ANPEP: variants seen among roughly 807,000 people sequenced by gnomAD.
ANPEP encodes alanyl aminopeptidase, membrane, also known as aminopeptidase N.
A neutral mutation model predicts 114.6 loss-of-function variants in ANPEP; 70 were observed. The ratio of observed to expected loss-of-function variants is 0.61; its 90% confidence interval spans 0.50 to 0.75. The LOEUF is 0.75. Among genes scored for constraint, ANPEP ranks in the 30% least tolerant of loss-of-function variants. The pLI is 0.00. For synonymous variants in ANPEP, 548 were observed against 522.3 expected, an observed-to-expected ratio of 1.05 and a Z score of -0.67; for missense variants, 1,184 against 1,259.5, an observed-to-expected ratio of 0.94 and a Z score of 0.91.
chr15:89,793,195 C>A, intron 15 of ANPEP, 69 bp from the exon 16 acceptor site: 1 of 1,422,602 alleles, frequency 7.0e-7, no homozygotes, highest in Non-Finnish European at 9.8e-7. Flanking sequence ...CACAGAGCCT[C>A]TGATGTTGGG....
intron 15 of ANPEP, among the ~76,000 whole-genome samples, chr15:89,795,704 T>C (rs556307099): frequency 1.3e-5 from 2 of 151,976 alleles, no homozygotes; most frequent in South Asian, 4.2e-4. Context: ...AGTGTGAGAG[T>C]GGAATAAAGA....
At chr15:89,812,421 G>A (rs568478309) in intron 1 of ANPEP, among the ~76,000 whole-genome samples, 110 of 152,340 alleles carry the variant, frequency 7.2e-4, no homozygotes, top group Middle Eastern at 3.4e-3. Context: ...TGAGGCCTCC[G>A]CCCATAGCTG....
intron 15 of ANPEP, among the ~76,000 whole-genome samples, chr15:89,795,081 C>T (rs945125450): frequency 9.6e-5 from 11 of 114,696 alleles, no homozygotes; most frequent in Admixed American, 2.8e-4. Flanking sequence ...CAAGAGGAAA[C>T]GAGTCAATGG....
Position 89,785,258 on chromosome 15 carries a change from G to A in ANPEP, c.*91C>T, listed in dbSNP as rs567093628. 79 of 1,520,872 alleles carry A rather than the reference G, an allele frequency of 5.2e-5. No individual in the cohort carries two copies. The highest frequency in any genetic ancestry group is 3.4e-4 in the African/African-American group (25 of 72,552). The allele number at this position is 1,520,872 out of a possible 1,614,324, so 94.2% of individuals were successfully genotyped here. A position where few individuals can be genotyped will look rare whatever the true frequency, so the allele number is the denominator to read the frequency against. On this transcript the variant is annotated 3_prime_UTR_variant, in exon 21 of 21. Transcript: ENST00000300060. ...CTTGAGGGGAGGACACTGGTGCCTC[G>A]GGCTCCAGGAATGGAGGCCCTGCAC... is the stretch of plus-strand genomic sequence containing the variant.
rs952000568 is a variant in ANPEP, at chr15:89,803,831, C to T, written c.1294-41G>A. The stretch of plus-strand genomic sequence containing the variant: ...GGCCATCAGGAGACTGGCCTGGTAG[C>T]GGTGGCCCAGGTCTCCCTCCATGCC... On this transcript the variant is annotated intron_variant, in intron 7 of 20. Coordinates refer to ENST00000300060, the MANE Select transcript of ANPEP (RefSeq NM_001150.3). The surrounding 1 kb of genome is among the most constrained non-coding windows in gnomAD (Gnocchi z 4.2). The T allele has an allele frequency of 6.8e-6, 11 of 1,612,010 alleles. No homozygotes were observed. Among genetic ancestry groups the T allele is most frequent in the African/African-American group, 4.0e-5 (3 of 74,876 alleles).
chr15:89,806,536 G>A lies in ANPEP; in HGVS notation c.48C>T (p.Ile16=), dbSNP rs146339673. The A allele has an allele frequency of 6.2e-7, 1 of 1,612,292 alleles. No homozygotes were observed. Among genetic ancestry groups the A allele is most frequent in the Non-Finnish European group, 8.5e-7 (1 of 1,178,608 alleles). The stretch of plus-strand genomic sequence containing the variant: ...TGCACACGGCTGCCACGCCCAGGAG[G>A]ATCCCCAGGATGCCCAGGGACTTGG... The part of the protein sequence containing the change: ...YISKSLGILG[I]LLGVAAVCTI... Residue 16 remains isoleucine (I), a synonymous_variant, in exon 2 of 21, where the codon ATC becomes ATT. Coordinates refer to ENST00000300060, the MANE Select transcript of ANPEP (RefSeq NM_001150.3). This position sits in a 1 kb window ranked among gnomAD's most constrained non-coding sequence, Gnocchi z 5.7.
intron 1 of ANPEP, among the ~76,000 whole-genome samples, chr15:89,809,851 C>T (rs1894787153): frequency 6.6e-6 from 1 of 152,228 alleles, no homozygotes; most frequent in Non-Finnish European, 1.5e-5. Flanking sequence ...CTTTCTACTG[C>T]CCACTGTGGC....
At chr15:89,794,950 C>A (rs975107484) in intron 15 of ANPEP, among the ~76,000 whole-genome samples, 1 of 152,088 alleles carries the variant, frequency 6.6e-6, no homozygotes, top group Admixed American at 6.5e-5. Flanking sequence ...AATGAGATCC[C>A]CCGGACAACA....
At chr15:89,793,510 G>A (rs1403129336) in intron 15 of ANPEP, among the ~76,000 whole-genome samples, 1 of 152,046 alleles carries the variant, frequency 6.6e-6, no homozygotes, top group East Asian at 1.9e-4. Context: ...AGATCAGCCT[G>A]GGCAACATGG....
rs774552143 is a variant in ANPEP, at chr15:89,803,908, G to A, written c.1274C>T (p.Ala425Val). ...GCTTACCAAGTTCCAGGTGGGCTCC[G>A]CATAGTCAGCACCCAGGTACTCCAC... ...SYVEYLGADY[A>V]EPTWNLKDLM... The change falls in exon 7 of 21, where the codon GCG (alanine) becomes GTG (valine). Residue 425 changes from alanine (A) to valine (V), a missense_variant. By Grantham distance (64) the Ala-to-Val change is moderately conservative. Transcript: ENST00000300060. The surrounding 1 kb of genome is among the most constrained non-coding windows in gnomAD (Gnocchi z 4.2). The A allele has an allele frequency of 3.1e-6, 5 of 1,614,154 alleles. No homozygotes were observed. The highest frequency in any genetic ancestry group is 1.1e-5 in the South Asian group (1 of 91,078).
At chr15:89,805,910 A>G in intron 2 of ANPEP, 60 bp downstream of exon 2, 1 of 1,538,326 alleles carries the variant, frequency 6.5e-7, no homozygotes, top group Non-Finnish European at 8.8e-7. Context: ...TGGCCCTCAG[A>G]ATCCAGCCTT....
intron 19 of ANPEP, 111 bp downstream of exon 19, chr15:89,790,841 GA>G: frequency 7.2e-7 from 1 of 1,383,394 alleles, no homozygotes; most frequent in Non-Finnish European, 9.8e-7. Flanking sequence ...AGGCTTGGCT[GA>G]TTTTTGTCCA....
intron 1 of ANPEP, among the ~76,000 whole-genome samples, chr15:89,814,195 G>A (rs1378520842): frequency 6.6e-6 from 1 of 152,242 alleles, no homozygotes; most frequent in Non-Finnish European, 1.5e-5. Context: ...GGTTGTAGGA[G>A]CGAGGGAGAA....
At position 89,797,716 on chromosome 15, in the gene ANPEP, A is replaced by T; in HGVS notation, c.2016T>A (p.His672Gln). ...INDAFNLASA[H>Q]KVPVTLALNN... Reference sequence around the variant, plus strand: ...TCAGCGCCAGAGTGACAGGGACCTTATGGGCACTGGGAATAAACAGAGGGG... The same window carrying T: ...TCAGCGCCAGAGTGACAGGGACCTTTTGGGCACTGGGAATAAACAGAGGGG... The change falls in exon 15 of 21, where the codon CAT (histidine) becomes CAA (glutamine). Residue 672 changes from histidine to glutamine, a missense_variant. Physicochemically the swap from His to Gln is conservative, Grantham distance 24. Coordinates refer to ENST00000300060, the MANE Select transcript of ANPEP (RefSeq NM_001150.3). The T allele has an allele frequency of 6.2e-7, 1 of 1,614,020 alleles. No individual in the cohort carries two copies. Among genetic ancestry groups the T allele is most frequent in the South Asian group, 1.1e-5 (1 of 91,076 alleles).
rs555157285 is a variant in ANPEP at position 89,785,249 on chromosome 15, T to C, written c.*100A>G. On this transcript the variant is annotated 3_prime_UTR_variant, in exon 21 of 21. Transcript: ENST00000300060. Reference sequence around the variant, plus strand: ...GACTTTGTCCTTGAGGGGAGGACACTGGTGCCTCGGGCTCCAGGAATGGAG... The same window carrying C: ...GACTTTGTCCTTGAGGGGAGGACACCGGTGCCTCGGGCTCCAGGAATGGAG... 108 of 1,482,622 alleles carry C rather than the reference T, an allele frequency of 7.3e-5. No homozygotes were observed. The African/African-American group carries it at 1.4e-3, about 19-fold the overall frequency. The allele number at this position is 1,482,622 out of a possible 1,614,324, so 91.8% of individuals were successfully genotyped here.
At chr15:89,785,597 A>G in intron 20 of ANPEP, 96 bp from the exon 21 acceptor site, 1 of 1,544,716 alleles carries the variant, frequency 6.5e-7, no homozygotes, top group Non-Finnish European at 8.8e-7. Flanking sequence ...CCCACTTTAG[A>G]GTCCCCATGG....
intron 15 of ANPEP, among the ~76,000 whole-genome samples, chr15:89,796,022 C>T (rs1968720256): frequency 6.6e-6 from 1 of 152,206 alleles, no homozygotes; most frequent in Non-Finnish European, 1.5e-5. Flanking sequence ...CCAGACCATC[C>T]TGGCCAATAC....
intron 2 of ANPEP, 62 bp from the exon 3 acceptor site, chr15:89,805,525 A>G: frequency 6.3e-7 from 1 of 1,595,616 alleles, no homozygotes; most frequent in Non-Finnish European, 8.5e-7. Context: ...GGCTCTGAGG[A>G]TGCTACCAGG....
chr15:89,806,907 G>C lies in ANPEP; in HGVS notation c.-223-101C>G. On this transcript the variant is annotated intron_variant, in intron 1 of 20. Transcript: ENST00000300060. This position sits in a 1 kb window ranked among gnomAD's most constrained non-coding sequence, Gnocchi z 5.7. ...TCCGGCTGTAGGCCCAGTGGGCAAA[G>C]CAAGCGGCCAGGTGGCATTGCATTG... is the stretch of plus-strand genomic sequence containing the variant. 2 of 315,058 alleles carry C rather than the reference G, an allele frequency of 6.3e-6. No individual in the cohort carries two copies. Among genetic ancestry groups the C allele is most frequent in the Non-Finnish European group, 6.0e-6 (1 of 166,606 alleles). 19.5% of individuals were successfully genotyped at this position (315,058 alleles called of 1,614,324 possible). A position where few individuals can be genotyped will look rare whatever the true frequency, so the allele number is the denominator to read the frequency against.
Sources: gnomAD v4.1 joint callset for allele counts (sites outside exome capture counted in the v4.1 genomes callset) on GRCh38, gnomAD v4.1.1 for gene constraint, Gnocchi (gnomAD v3.1) non-coding constraint, MANE v1.5 for transcripts, NCBI Gene and HGNC (gene_info 2026-07-23, HGNC 2026-07-21) for gene names.